PDE1C: variants seen among roughly 807,000 people sequenced by gnomAD.
PDE1C encodes the protein dual specificity calcium/calmodulin-dependent 3',5'-cyclic nucleotide phosphodiesterase 1C.
Under a neutral mutation model 93.1 loss-of-function variants are expected in PDE1C, and 62 were observed. That is an observed-to-expected ratio of 0.67 (90% CI 0.54 to 0.82). The LOEUF is 0.82. PDE1C is among the 40% of genes least tolerant of loss of function. The pLI is 0.00. For missense variants in PDE1C, 742 were observed against 884.6 expected (o/e 0.84, Z 2.04); for synonymous variants, 325 against 310.1 (o/e 1.05, Z -0.50).
chr7:32,212,986 A>G (rs146888532), intron 1 of PDE1C, among the ~76,000 whole-genome samples: 4 of 152,312 alleles, frequency 2.6e-5, no homozygotes, highest in African/African-American at 9.6e-5. Context: ...GGATCATAAA[A>G]GCTACCCCAC....
intron 3 of PDE1C, among the ~76,000 whole-genome samples, chr7:32,108,232 A>AAG (rs1173479817): frequency 3.6e-5 from 5 of 137,412 alleles, no homozygotes; most frequent in Admixed American, 2.3e-4. Context: ...AAGCAAGACA[A>AAG]AAAAAAAAAA....
chr7:31,643,768 G>T, the PDE1C span: 2 of 1,614,004 alleles, frequency 1.2e-6, no homozygotes, highest in Non-Finnish European at 8.5e-7. Flanking sequence ...CACCTGCCAT[G>T]CTATACCTGC....
the PDE1C span, among the ~76,000 whole-genome samples, chr7:31,681,812 T>C: frequency 5.9e-5 from 9 of 152,186 alleles, no homozygotes; most frequent in African/African-American, 1.9e-4. Flanking sequence ...CAGCAGATGT[T>C]TTAAGGCCTG....
intron 2 of PDE1C, among the ~76,000 whole-genome samples, chr7:32,197,625 T>G (rs573099594): frequency 3.9e-5 from 6 of 152,342 alleles, no homozygotes; most frequent in African/African-American, 1.4e-4. Flanking sequence ...TATAAAGGAA[T>G]GATTTGCTTA....
chr7:31,683,803 T>C, the PDE1C span, among the ~76,000 whole-genome samples: 2 of 152,236 alleles, frequency 1.3e-5, no homozygotes, highest in African/African-American at 4.8e-5. Context: ...AAATAAATTG[T>C]CTGGAAATGC....
chr7:31,988,378 A>T (rs1460707961), intron 2 of PDE1C, among the ~76,000 whole-genome samples: 1 of 152,168 alleles, frequency 6.6e-6, no homozygotes, highest in African/African-American at 2.4e-5. Flanking sequence ...GTCACTTTTA[A>T]AGGTTTCTAT....
At chr7:32,426,974 C>T (rs1221247901) in intron 1 of PDE1C, among the ~76,000 whole-genome samples, 1 of 152,140 alleles carries the variant, frequency 6.6e-6, no homozygotes, top group African/African-American at 2.4e-5. Flanking sequence ...TATTTAGCAA[C>T]ATTTCCAGTG....
chr7:32,313,258 G>T (rs955192816), intron 1 of PDE1C, among the ~76,000 whole-genome samples: 1 of 152,048 alleles, frequency 6.6e-6, no homozygotes, highest in African/African-American at 2.4e-5. Context: ...GAAACAACAG[G>T]TGCTGGAGAG....
At chr7:31,831,114 A>T (rs1045759466) in intron 11 of PDE1C, among the ~76,000 whole-genome samples, 1 of 152,222 alleles carries the variant, frequency 6.6e-6, no homozygotes, top group Admixed American at 6.5e-5. Context: ...ATGAAGAAAA[A>T]GCAAATGTTT....
rs189431021 is a variant in PDE1C at position 31,857,597 on chromosome 7, A to G, written c.751-6856T>C. On this transcript the variant is annotated intron_variant, in intron 7 of 17. Coordinates refer to ENST00000396191, the MANE Select transcript of PDE1C (RefSeq NM_001191057.4). ...ACACTGAGAAGACTGTTGCTGATGA[A>G]GAGCTGCCATGCCCTCCCTAGAAGT... is the stretch of plus-strand genomic sequence containing the variant. Among the ~76,000 whole-genome samples, 84 of 152,280 alleles carry G rather than the reference A, an allele frequency of 5.5e-4. 3 individuals carry two copies. The highest frequency in any genetic ancestry group is 2.0e-3 in the African/African-American group (82 of 41,564).
At chr7:32,367,483 A>G (rs928907970) in intron 1 of PDE1C, among the ~76,000 whole-genome samples, 14 of 152,374 alleles carry the variant, frequency 9.2e-5, no homozygotes, top group African/African-American at 3.1e-4. Flanking sequence ...TAGATTAAAA[A>G]GAAGAAACCA....
At chr7:31,624,681 C>T in the PDE1C span, among the ~76,000 whole-genome samples, 5 of 150,092 alleles carry the variant, frequency 3.3e-5, no homozygotes, top group Admixed American at 3.3e-4. Flanking sequence ...AGAAGAAAAC[C>T]TAGGCATTAC....
At chr7:32,000,310 T>C (rs750868223) in intron 2 of PDE1C, among the ~76,000 whole-genome samples, 4 of 152,174 alleles carry the variant, frequency 2.6e-5, no homozygotes, top group Admixed American at 6.5e-5. Flanking sequence ...TGGTGGCATC[T>C]GGCGCATAGT....
At chr7:32,318,182 T>C (rs1440572080) in intron 1 of PDE1C, among the ~76,000 whole-genome samples, 1 of 152,178 alleles carries the variant, frequency 6.6e-6, no homozygotes, top group East Asian at 1.9e-4. Context: ...AGGAGGGACA[T>C]TCGGCAGGGA....
intron 3 of PDE1C, chr7:32,077,884 T>C (rs966990764): frequency 4.1e-6 from 4 of 985,228 alleles, no homozygotes; most frequent in African/African-American, 1.7e-5. Flanking sequence ...AGTTTAGAAA[T>C]GAGGTGGTGA....
At chr7:32,126,624 A>G (rs1027958117) in intron 3 of PDE1C, among the ~76,000 whole-genome samples, 5 of 152,314 alleles carry the variant, frequency 3.3e-5, no homozygotes, top group African/African-American at 1.2e-4. Context: ...AATAATCTAA[A>G]GATGGAAGCA....
intron 1 of PDE1C, among the ~76,000 whole-genome samples, chr7:32,399,336 T>C (rs761434568): frequency 6.6e-6 from 1 of 152,200 alleles, no homozygotes; most frequent in Non-Finnish European, 1.5e-5. Context: ...TCCTGTATTA[T>C]TTTGCCACAA....
intron 2 of PDE1C, among the ~76,000 whole-genome samples, chr7:31,993,614 T>C: frequency 6.6e-6 from 1 of 152,144 alleles, no homozygotes; most frequent in East Asian, 1.9e-4. Context: ...GAAAGAAATT[T>C]TGAACTGGGG....
chr7:32,181,849 A>C (rs1316750992), intron 2 of PDE1C, among the ~76,000 whole-genome samples: 1 of 152,250 alleles, frequency 6.6e-6, no homozygotes, highest in African/African-American at 2.4e-5. Context: ...CAAAAAATCA[A>C]TGAATCCAGG....
Sources: allele counts gnomAD v4.1 joint callset (sites outside exome capture counted in the v4.1 genomes callset), GRCh38; gene constraint gnomAD v4.1.1; transcripts MANE v1.5; gene names NCBI Gene and HGNC (gene_info 2026-07-23, HGNC 2026-07-21).